MRPL54: variants seen among roughly 807,000 people sequenced by gnomAD.
MRPL54 encodes the protein large ribosomal subunit protein mL54.
In MRPL54, 12 loss-of-function variants were observed where a neutral mutation model predicts 15.6. That is an observed-to-expected ratio of 0.77 (90% CI 0.49 to 1.24). The LOEUF (loss-of-function observed/expected upper bound fraction) is 1.24, where lower values mean the gene tolerates loss of function less well. MRPL54 is among the 50% of genes most tolerant of loss of function. MRPL54 has a pLI of 0.00. For missense variants in MRPL54, 178 were observed against 186.8 expected (o/e 0.95, Z 0.28); for synonymous variants, 91 against 75.7 (o/e 1.20, Z -1.05).
chr19:3,763,897 G>A (rs1178105322), intron 1 of MRPL54, among the ~76,000 whole-genome samples: 3 of 150,128 alleles, frequency 2.0e-5, no homozygotes, highest in East Asian at 2.0e-4. Flanking sequence ...GGGCGACACA[G>A]TGAGACTCTG....
In MRPL54 at chr19:3,765,293, G is replaced by T. The variant is rs766414992; in HGVS notation, c.246G>T (p.Gln82His). 1 of 1,614,006 alleles carries T rather than the reference G, an allele frequency of 6.2e-7. No individual in the cohort carries two copies. The highest frequency in any genetic ancestry group is 8.5e-7 in the Non-Finnish European group (1 of 1,179,960). Residue 82 changes from glutamine to histidine, a missense_variant, in exon 2 of 3, where the codon CAG becomes CAT. By Grantham distance (24) the Gln-to-His change is conservative (BLOSUM62 0). Transcript: ENST00000330133. ...GCGTCAACATCTACAAGGAAGGGCA[G>T]GATGTACCCCTGAAACCGGATGCTG... ...AMGVNIYKEG[Q>H]DVPLKPDAEY...
chr19:3,764,832 T>G (rs891181603), intron 1 of MRPL54, among the ~76,000 whole-genome samples: 2 of 151,518 alleles, frequency 1.3e-5, no homozygotes, highest in South Asian at 2.1e-4. Context: ...ATCGAGACCA[T>G]CCTGGCTAAC....
chr19:3,763,376 C>CA (rs1327764645), intron 1 of MRPL54, among the ~76,000 whole-genome samples: 3 of 152,156 alleles, frequency 2.0e-5, no homozygotes, highest in African/African-American at 7.2e-5. Flanking sequence ...ACATAGCAGA[C>CA]AAAATATAAC....
At chr19:3,765,448 C>T in intron 2 of MRPL54, 117 bp downstream of exon 2, 2 of 1,152,304 alleles carry the variant, frequency 1.7e-6, no homozygotes, top group Non-Finnish European at 2.5e-6. Context: ...CACACCTACC[C>T]ATCCTGGCTT....
intron 1 of MRPL54, 122 bp downstream of exon 1, chr19:3,762,940 A>C: frequency 1.2e-6 from 1 of 822,002 alleles, no homozygotes; most frequent in Non-Finnish European, 1.9e-6. Flanking sequence ...GGCGGATGCC[A>C]GGCTGTATGC....
In MRPL54 at chr19:3,765,413, G is replaced by A. The variant is rs1049084207; in HGVS notation, c.284+82G>A. ...GGACCCCTTCCCGGAGAGGCGGATC[G>A]CCACTCCAGCCGGAGCCTAATAGTC... On this transcript the variant is annotated intron_variant, in intron 2 of 2. Transcript: ENST00000330133. 1.3e-5 allele frequency: 20 copies of A among 1,491,880 alleles called. No homozygotes were observed. In the South Asian group the frequency reaches 1.5e-4, roughly 11 times the overall value. The allele number at this position is 1,491,880 out of a possible 1,614,324, so 92.4% of individuals were successfully genotyped here.
rs2037185709 is a variant in MRPL54 at position 3,765,037 on chromosome 19, A to G, written c.119-129A>G. 3 of 1,008,280 alleles carry G rather than the reference A, an allele frequency of 3.0e-6. No individual in the cohort carries two copies. The Admixed American group carries it at 9.5e-5, about 32-fold the overall frequency. 62.5% of individuals were successfully genotyped at this position (1,008,280 alleles called of 1,614,324 possible). A position where few individuals can be genotyped will look rare whatever the true frequency, so the allele number is the denominator to read the frequency against. ...GCGAGACTCCGTCTCAAAAAAAAAA[A>G]AAAAGAAAGTTTTGAGTGTAGCAGA... On this transcript the variant is annotated intron_variant, in intron 1 of 2. Coordinates refer to ENST00000330133, the MANE Select transcript of MRPL54 (RefSeq NM_172251.3).
At chr19:3,766,142 T>A (rs1231657688) in intron 2 of MRPL54, among the ~76,000 whole-genome samples, 2 of 151,170 alleles carry the variant, frequency 1.3e-5, no homozygotes, top group African/African-American at 4.9e-5. Flanking sequence ...AGTGGTGTGA[T>A]CTTGGCTCAC....
At chr19:3,766,809 C>CCT (rs2037202461) in intron 2 of MRPL54, among the ~76,000 whole-genome samples, 1 of 152,064 alleles carries the variant, frequency 6.6e-6, no homozygotes, top group Non-Finnish European at 1.5e-5. Context: ...GCAAAGGCCC[C>CCT]GGGGCAGGAC....
intron 1 of MRPL54, among the ~76,000 whole-genome samples, chr19:3,764,856 G>A (rs371645087): frequency 6.6e-5 from 10 of 151,766 alleles, no homozygotes; most frequent in East Asian, 4.0e-4. Flanking sequence ...GTGAAACCCC[G>A]TCTCTACTAA....
At chr19:3,764,818 G>C (rs1268474511) in intron 1 of MRPL54, among the ~76,000 whole-genome samples, 2 of 151,848 alleles carry the variant, frequency 1.3e-5, no homozygotes, top group Admixed American at 6.6e-5. Context: ...CACGAGGTCA[G>C]GAGATCGAGA....
intron 1 of MRPL54, among the ~76,000 whole-genome samples, chr19:3,763,869 G>A (rs1036612464): frequency 6.6e-6 from 1 of 151,748 alleles, no homozygotes; most frequent in African/African-American, 2.4e-5. Flanking sequence ...CCGAGATCAC[G>A]CCACTGCACT....
At position 3,767,308 on chromosome 19, in the gene MRPL54, AC is replaced by A. The variant is rs1182091164; in HGVS notation, c.336del (p.Glu113ArgfsTer20). On this transcript the variant is annotated frameshift_variant, in exon 3 of 3. Coordinates refer to ENST00000330133, the MANE Select transcript of MRPL54 (RefSeq NM_172251.3). LOFTEE classifies it high-confidence loss of function. ...LGPPKTLEEL[D>X]PESREYWRRL... ...CCCCCAAAGACCCTGGAGGAGCTGGACCCCGAGAGCCGGGAGTACTGGCGGC... is the reference window on the plus strand; with the variant it reads ...CCCCCAAAGACCCTGGAGGAGCTGGACCCGAGAGCCGGGAGTACTGGCGGC... 6.2e-7 allele frequency: 1 copy of A among 1,612,054 alleles called. No individual in the cohort carries two copies. The highest frequency in any genetic ancestry group is 1.1e-5 in the South Asian group (1 of 91,006).
chr19:3,762,953 A>C, intron 1 of MRPL54, 135 bp downstream of exon 1: 1 of 750,290 alleles, frequency 1.3e-6, no homozygotes, highest in Non-Finnish European at 2.1e-6. Flanking sequence ...CTGTATGCGC[A>C]GGCGCAGTTT....
At chr19:3,764,471 G>A (rs370453185) in intron 1 of MRPL54, among the ~76,000 whole-genome samples, 18 of 144,402 alleles carry the variant, frequency 1.2e-4, no homozygotes, top group South Asian at 9.0e-4. Context: ...GCAGCGATGC[G>A]ATCTCAGCTC....
chr19:3,762,717 T>C lies in MRPL54; in HGVS notation c.17T>C (p.Leu6Pro). The change falls in exon 1 of 3, where the codon CTT (leucine) becomes CCT (proline). Residue 6 changes from leucine to proline, a missense_variant. Leu to Pro is a moderately conservative substitution (Grantham distance 98). Coordinates refer to ENST00000330133, the MANE Select transcript of MRPL54 (RefSeq NM_172251.3). MATKR[L>P]FGATRTWAGW... ...CAATACGTCATGGCGACCAAACGCC[T>C]TTTCGGGGCTACCCGGACGTGGGCC... The C allele has an allele frequency of 6.2e-7, 1 of 1,611,402 alleles. No homozygotes were observed. Among genetic ancestry groups the C allele is most frequent in the Non-Finnish European group, 8.5e-7 (1 of 1,178,942 alleles).
At position 3,767,423 on chromosome 19, in the gene MRPL54, C is replaced by T. The variant is rs762419506; in HGVS notation, c.*30C>T. The T allele has an allele frequency of 1.1e-5, 17 of 1,596,744 alleles. No homozygotes were observed. The highest frequency in any genetic ancestry group is 4.6e-5 in the East Asian group (2 of 43,702). ...GAGGGCCCGGCATCGCTGACCCCCACGCCGAGGGCTTGCCGTTTTCCCGGA... is the reference window on the plus strand; with the variant it reads ...GAGGGCCCGGCATCGCTGACCCCCATGCCGAGGGCTTGCCGTTTTCCCGGA... On this transcript the variant is annotated 3_prime_UTR_variant, in exon 3 of 3. Coordinates refer to ENST00000330133, the MANE Select transcript of MRPL54 (RefSeq NM_172251.3).
chr19:3,766,327 C>T (rs966527045), intron 2 of MRPL54, among the ~76,000 whole-genome samples: 2 of 152,204 alleles, frequency 1.3e-5, no homozygotes, highest in African/African-American at 4.8e-5. Context: ...GATCCGCCTG[C>T]CCTGGCCTCC....
In MRPL54 at chr19:3,767,404, C is replaced by G; in HGVS notation, c.*11C>G. The stretch of plus-strand genomic sequence containing the variant: ...AACAAGAGGTTGTAGCATGGAGGGC[C>G]CGGCATCGCTGACCCCCACGCCGAG... On this transcript the variant is annotated 3_prime_UTR_variant, in exon 3 of 3. Coordinates refer to ENST00000330133, the MANE Select transcript of MRPL54 (RefSeq NM_172251.3). 6.2e-7 allele frequency: 1 copy of G among 1,607,230 alleles called. No individual in the cohort carries two copies. Among genetic ancestry groups the G allele is most frequent in the African/African-American group, 1.3e-5 (1 of 74,518 alleles).
Sources: allele counts gnomAD v4.1 joint callset (sites outside exome capture counted in the v4.1 genomes callset), GRCh38; gene constraint gnomAD v4.1.1; transcripts MANE v1.5; gene names NCBI Gene and HGNC (gene_info 2026-07-23, HGNC 2026-07-21).